Variants in RNF32 observed in about 807,000 individuals in gnomAD.
RNF32 encodes the protein ring finger protein 32.
RNF32 carries 36 observed loss-of-function variants against 41.0 expected under a neutral mutation model. The observed-to-expected ratio is 0.88, with a 90% CI of 0.67 to 1.16. The LOEUF is 1.16. RNF32 is among the 50% of genes most tolerant of loss of function. RNF32 has a pLI of 0.00. For missense variants in RNF32, 413 were observed against 436.7 expected, an observed-to-expected ratio of 0.95 and a Z score of 0.48; for synonymous variants, 154 against 160.9, an observed-to-expected ratio of 0.96 and a Z score of 0.32.
chr7:156,647,175 G>GT (rs944309591), intron 3 of RNF32, among the ~76,000 whole-genome samples: 1 of 151,718 alleles, frequency 6.6e-6, no homozygotes, highest in Admixed American at 6.6e-5. Context: ...TTTTTTGTTT[G>GT]TTTTTTGTGT....
intron 7 of RNF32, among the ~76,000 whole-genome samples, chr7:156,664,302 A>C (rs1801045673): frequency 2.0e-5 from 3 of 152,138 alleles, no homozygotes; most frequent in Non-Finnish European, 4.4e-5. Flanking sequence ...TCTCTACTAA[A>C]AATACAATAT....
chr7:156,658,943 T>C, intron 7 of RNF32: 1 of 1,524,002 alleles, frequency 6.6e-7, no homozygotes, highest in Non-Finnish European at 8.8e-7. Context: ...CATCTCATAG[T>C]AATGAAAATA....
chr7:156,644,935 A>G (rs976699863), intron 3 of RNF32, among the ~76,000 whole-genome samples, 178 bp downstream of exon 3: 4 of 152,230 alleles, frequency 2.6e-5, no homozygotes, highest in Non-Finnish European at 5.9e-5. Context: ...CATTAGAGCA[A>G]GAAGGTAAAG....
At chr7:156,642,181 G>C (rs59727153) in intron 1 of RNF32, among the ~76,000 whole-genome samples, 1 of 152,146 alleles carries the variant, frequency 6.6e-6, no homozygotes, top group Non-Finnish European at 1.5e-5. Flanking sequence ...TTAGAAACTG[G>C]AGCTTTAAGC....
chr7:156,662,430 T>G (rs564351036), intron 7 of RNF32, among the ~76,000 whole-genome samples: 3 of 152,334 alleles, frequency 2.0e-5, no homozygotes, highest in Admixed American at 6.5e-5. Context: ...TTGACTGGGC[T>G]AAGGGATGCT....
At chr7:156,660,010 A>G in intron 7 of RNF32, 1 of 985,490 alleles carries the variant, frequency 1.0e-6, no homozygotes, top group Non-Finnish European at 1.2e-6. Context: ...GTCCCACTGG[A>G]CGTTGGGTCC....
intron 4 of RNF32, 83 bp from the exon 5 acceptor site, chr7:156,657,458 C>A: frequency 7.7e-7 from 1 of 1,306,992 alleles, no homozygotes; most frequent in South Asian, 1.2e-5. Context: ...AGCTTACCTT[C>A]TAAGCATTCA....
chr7:156,673,916 A>G (rs1803178738), intron 7 of RNF32, among the ~76,000 whole-genome samples: 1 of 127,894 alleles, frequency 7.8e-6, no homozygotes. Flanking sequence ...TAAAAAAAAA[A>G]AAAAAAGAAA....
At chr7:156,646,362 CT>C in intron 3 of RNF32, 2 of 1,242,588 alleles carry the variant, frequency 1.6e-6, no homozygotes, top group Non-Finnish European at 2.1e-6. Context: ...CATTGCTTAG[CT>C]TGTGGCAGCG....
intron 7 of RNF32, chr7:156,659,468 T>TA: frequency 1.0e-6 from 1 of 985,470 alleles, no homozygotes; most frequent in Non-Finnish European, 1.2e-6. Context: ...TCTTTCCAGT[T>TA]TTTTATCTTC....
upstream of RNF32, chr7:156,640,464 C>G (rs1427177805): frequency 2.7e-6 from 1 of 364,124 alleles, no homozygotes; most frequent in Non-Finnish European, 5.3e-6. Flanking sequence ...GTGCTTCAGC[C>G]CGCGGCTCCC....
In RNF32 at chr7:156,676,944, T is replaced by TA. The variant is rs568183653; in HGVS notation, c.*290dup. ...CTAAAAATTGAGGTTAAGATATAGC[T>TA]AGTGTCTGAACGACACTCCTTAAAG... On this transcript the variant is annotated 3_prime_UTR_variant, in exon 9 of 9. Coordinates refer to ENST00000317955, the MANE Select transcript of RNF32 (RefSeq NM_030936.4). The TA allele has an allele frequency of 8.0e-3, 2,796 of 349,794 alleles. 40 individuals carry two copies. The highest frequency in any genetic ancestry group is 0.023 in the South Asian group (598 of 26,308). The allele number at this position is 349,794 out of a possible 1,614,324, so 21.7% of individuals were successfully genotyped here. A position where few individuals can be genotyped will look rare whatever the true frequency, so the allele number is the denominator to read the frequency against.
rs530668648 is a variant in RNF32 at position 156,654,507 on chromosome 7, TTA to T, written c.275-68_275-67del. 1.2e-4 allele frequency: 166 copies of T among 1,382,340 alleles called. 2 individuals carry two copies. In the East Asian group the frequency reaches 3.6e-3, roughly 30 times the overall value. The allele number at this position is 1,382,340 out of a possible 1,614,324, so 85.6% of individuals were successfully genotyped here. On this transcript the variant is annotated intron_variant, in intron 3 of 8. Transcript: ENST00000317955. ...TAATCTTTGTTTGCAAATGGTGTCA[TTA>T]AAGTTATAGGTGGGTGCCATATGCT...
At chr7:156,674,427 C>A (rs1222710412) in intron 7 of RNF32, among the ~76,000 whole-genome samples, 2 of 152,256 alleles carry the variant, frequency 1.3e-5, no homozygotes, top group African/African-American at 4.8e-5. Flanking sequence ...GGCTGACAGT[C>A]ACCATTGGCA....
At chr7:156,659,428 A>G (rs1235216580) in intron 7 of RNF32, 8 of 985,486 alleles carry the variant, frequency 8.1e-6, no homozygotes, top group African/African-American at 3.5e-5. Context: ...AAGGACCGCC[A>G]TGCACGATTG....
intron 7 of RNF32, among the ~76,000 whole-genome samples, chr7:156,665,763 A>C (rs1384252134): frequency 3.3e-5 from 5 of 152,198 alleles, no homozygotes; most frequent in African/African-American, 9.6e-5. Flanking sequence ...GACTCTGCTG[A>C]ACTATGAGAG....
At chr7:156,668,818 C>G (rs1380367667) in intron 7 of RNF32, 2 of 152,486 alleles carry the variant, frequency 1.3e-5, no homozygotes, top group Non-Finnish European at 2.9e-5. Context: ...TCACCCCAGC[C>G]CCTTTAGAAA....
intron 7 of RNF32, 132 bp downstream of exon 7, chr7:156,658,702 A>G (rs1044021883): frequency 2.6e-6 from 2 of 762,340 alleles, no homozygotes; most frequent in Non-Finnish European, 4.3e-6. Context: ...AATGGGTGAG[A>G]TGCTGCTAAA....
intron 7 of RNF32, among the ~76,000 whole-genome samples, chr7:156,665,730 C>A (rs1313445921): frequency 1.3e-5 from 2 of 152,332 alleles, no homozygotes; most frequent in East Asian, 3.9e-4. Flanking sequence ...CGATTCTGCA[C>A]TCCAGTGCTT....
Sources: allele counts gnomAD v4.1 joint callset (sites outside exome capture counted in the v4.1 genomes callset), GRCh38; gene constraint gnomAD v4.1.1; transcripts MANE v1.5; gene names NCBI Gene and HGNC (gene_info 2026-07-23, HGNC 2026-07-21).